CTTN: variants seen among roughly 807,000 people sequenced by gnomAD.
CTTN encodes cortactin.
A neutral mutation model predicts 84.0 loss-of-function variants in CTTN; 28 were observed. The ratio of observed to expected loss-of-function variants is 0.33; its 90% CI spans 0.25 to 0.46. The LOEUF (loss-of-function observed/expected upper bound fraction) is 0.46. Among genes scored for constraint, CTTN ranks in the 20% least tolerant of loss-of-function variants. CTTN has a pLI of 1.00. For synonymous variants in CTTN, 301 were observed against 288.8 expected, an observed-to-expected ratio of 1.04 and a Z score of -0.43; for missense variants, 641 against 723.8, an observed-to-expected ratio of 0.89 and a Z score of 1.31.
intron 8 of CTTN, 41 bp from the exon 9 acceptor site, chr11:70,419,705 C>T (rs372424629): frequency 4.6e-6 from 7 of 1,521,184 alleles, no homozygotes; most frequent in Middle Eastern, 1.7e-4. Context: ...TCACTGATTT[C>T]GTTGCTCCTT....
At chr11:70,429,714 T>C (rs903368472) in intron 14 of CTTN, among the ~76,000 whole-genome samples, 1 of 152,114 alleles carries the variant, frequency 6.6e-6, no homozygotes. Flanking sequence ...CAGAGAAAGA[T>C]GCCAGAAGTG....
intron 12 of CTTN, among the ~76,000 whole-genome samples, chr11:70,424,315 G>A (rs1445995664): frequency 3.3e-5 from 5 of 152,122 alleles, no homozygotes; most frequent in Admixed American, 3.3e-4. Context: ...GGTGTCTGTG[G>A]TCAGCATTGC....
chr11:70,427,720 G>T (rs1049757801), intron 13 of CTTN, among the ~76,000 whole-genome samples: 4 of 152,230 alleles, frequency 2.6e-5, no homozygotes, highest in African/African-American at 9.6e-5. Flanking sequence ...GAAAATGCTG[G>T]GTCTCTGAGT....
At chr11:70,400,670 T>G (rs946298832) in intron 1 of CTTN, among the ~76,000 whole-genome samples, 9 of 152,246 alleles carry the variant, frequency 5.9e-5, no homozygotes, top group Admixed American at 5.2e-4. Flanking sequence ...ATTCAGATCT[T>G]CAGTCTGTGC....
At chr11:70,407,450 T>C in intron 3 of CTTN, 66 bp downstream of exon 3, 1 of 1,612,618 alleles carries the variant, frequency 6.2e-7, no homozygotes, top group Non-Finnish European at 8.5e-7. Flanking sequence ...GGTTTTTCTT[T>C]GATGGGGTGG....
chr11:70,427,120 T>C (rs1591448432), intron 13 of CTTN, among the ~76,000 whole-genome samples: 1 of 151,162 alleles, frequency 6.6e-6, no homozygotes, highest in Non-Finnish European at 1.5e-5. Flanking sequence ...GAGGCCGAGG[T>C]GGGTGGATCA....
Position 70,435,478 on chromosome 11 carries a change from C to A in CTTN, c.*316C>A. 6.5e-7 allele frequency: 1 copy of A among 1,549,094 alleles called. No individual in the cohort carries two copies. The highest frequency in any genetic ancestry group is 8.7e-7 in the Non-Finnish European group (1 of 1,154,542). On this transcript the variant is annotated 3_prime_UTR_variant, in exon 18 of 18. Transcript: ENST00000301843. ...TGTCACGCGGCAGCTTCAGGGAGCT[C>A]GCATTCTCTTGTGTTCGTGTTGCCC...
intron 4 of CTTN, among the ~76,000 whole-genome samples, chr11:70,409,618 A>T (rs1644099611): frequency 6.6e-6 from 1 of 152,194 alleles, no homozygotes. Context: ...TCTCCCACAG[A>T]GCATGCGTCT....
At chr11:70,407,896 G>C (rs1401093470) in intron 4 of CTTN, 2 of 341,544 alleles carry the variant, frequency 5.9e-6, no homozygotes, top group Admixed American at 4.5e-5. Flanking sequence ...TTTTATCAGG[G>C]AACATTTGTC....
At chr11:70,423,044 T>A in intron 12 of CTTN, 49 bp downstream of exon 12, 1 of 1,609,654 alleles carries the variant, frequency 6.2e-7, no homozygotes, top group East Asian at 2.2e-5. Context: ...GCAGGGGCTC[T>A]TGGTGGGCGT....
intron 12 of CTTN, 73 bp downstream of exon 12, chr11:70,423,068 G>T: frequency 3.2e-6 from 5 of 1,575,150 alleles, no homozygotes; most frequent in Non-Finnish European, 4.4e-6. Context: ...TCACCGTGCT[G>T]GCCAACATCC....
Position 70,435,753 on chromosome 11 carries a change from T to C in CTTN, c.*591T>C, listed in dbSNP as rs2058411322. Reference sequence around the variant, plus strand: ...ACAGCCCGCAGGATCAGGTGACTTCTAGCAGAGACCCTGGTTTTTTTCCTG... The same window carrying C: ...ACAGCCCGCAGGATCAGGTGACTTCCAGCAGAGACCCTGGTTTTTTTCCTG... On this transcript the variant is annotated 3_prime_UTR_variant, in exon 18 of 18. Transcript: ENST00000301843. 1 of 1,596,844 alleles carries C rather than the reference T, an allele frequency of 6.3e-7. No homozygotes were observed. Among genetic ancestry groups the C allele is most frequent in the African/African-American group, 1.3e-5 (1 of 74,894 alleles).
chr11:70,400,937 T>A (rs987554062), intron 1 of CTTN, among the ~76,000 whole-genome samples: 1 of 152,116 alleles, frequency 6.6e-6, no homozygotes, highest in Non-Finnish European at 1.5e-5. Context: ...GTGATGGTGA[T>A]TTTGGCTACG....
chr11:70,433,502 T>C, intron 16 of CTTN, 145 bp from the exon 17 acceptor site: 1 of 790,866 alleles, frequency 1.3e-6, no homozygotes, highest in Non-Finnish European at 2.2e-6. Context: ...TGGGGACGGG[T>C]GGGCAGGGGC....
chr11:70,421,391 TGC>T, intron 10 of CTTN, 77 bp from the exon 11 acceptor site: 1 of 999,448 alleles, frequency 1.0e-6, no homozygotes, highest in South Asian at 1.3e-5. Context: ...GTTTGATTTT[TGC>T]GCATGCTCAT....
intron 5 of CTTN, among the ~76,000 whole-genome samples, chr11:70,411,693 T>A (rs1173931218): frequency 6.6e-6 from 1 of 152,084 alleles, no homozygotes; most frequent in Non-Finnish European, 1.5e-5. Context: ...GGCCTGCACC[T>A]TTTTTCAGCG....
In CTTN at chr11:70,407,316, G is replaced by C; in HGVS notation, c.19G>C (p.Gly7Arg). The C allele has an allele frequency of 6.4e-7, 1 of 1,552,402 alleles. No homozygotes were observed. The highest frequency in any genetic ancestry group is 8.7e-7 in the Non-Finnish European group (1 of 1,147,988). The change falls in exon 3 of 18, where the codon GGC becomes CGC. Residue 7 changes from glycine (G) to arginine (R), a missense_variant. This residue lies in a region of CTTN where 284 missense variants were observed against 348.4 expected (regional missense o/e 0.82). Transcript: ENST00000301843. ...CTTTCAGATGTGGAAAGCTTCAGCA[G>C]GCCACGCTGTGTCCATCGCCCAGGA... MWKASA[G>R]HAVSIAQDDA...
chr11:70,424,507 G>A (rs1005629876), intron 12 of CTTN, among the ~76,000 whole-genome samples: 1 of 152,086 alleles, frequency 6.6e-6, no homozygotes, highest in Non-Finnish European at 1.5e-5. Context: ...TACATTGTGG[G>A]GATAGGGCTA....
At chr11:70,404,106 A>G (rs1311425165) in intron 1 of CTTN, among the ~76,000 whole-genome samples, 4 of 152,178 alleles carry the variant, frequency 2.6e-5, no homozygotes, top group African/African-American at 9.7e-5. Flanking sequence ...CAGTAACCAG[A>G]ATGTAGCAAG....
Sources: gnomAD v4.1 joint callset for allele counts (sites outside exome capture counted in the v4.1 genomes callset) on GRCh38, gnomAD v4.1.1 for gene constraint, gnomAD v4.1.1 regional missense constraint, MANE v1.5 for transcripts, NCBI Gene and HGNC (gene_info 2026-07-23, HGNC 2026-07-21) for gene names.